The following UBXN8 variants were observed in gnomAD, a reference collection of about 807,000 sequenced individuals.
UBXN8 encodes UBX domain protein 8.
UBXN8 carries 27 observed loss-of-function variants against 32.1 expected under a neutral mutation model. The observed-to-expected ratio is 0.84, with a 90% CI of 0.62 to 1.16. The LOEUF is 1.16. Ranked by LOEUF, UBXN8 falls within the 50% of genes most tolerant of loss-of-function variation. The pLI, the probability that UBXN8 is intolerant of heterozygous loss-of-function variation, is 0.00. For missense variants in UBXN8, 306 were observed against 311.4 expected, an observed-to-expected ratio of 0.98 and a Z score of 0.13; for synonymous variants, 109 against 111.8, an observed-to-expected ratio of 0.98 and a Z score of 0.16.
At chr8:30,739,408 G>A (rs1805147205), upstream of UBXN8, among the ~76,000 whole-genome samples, 2 of 152,028 alleles carry the variant, frequency 1.3e-5, no homozygotes, top group African/African-American at 2.4e-5. Context: ...GCCGGGCGTG[G>A]TGGCGGGCGC....
chr8:30,729,602 G>C (rs1728299248), upstream of UBXN8, among the ~76,000 whole-genome samples: 1 of 152,130 alleles, frequency 6.6e-6, no homozygotes, highest in South Asian at 2.1e-4. Context: ...TTTGGTGTGA[G>C]CTTGGTGTTT....
At chr8:30,751,306 G>A (rs993228555) in intron 1 of UBXN8, 90 bp from the exon 2 acceptor site, 1 of 1,102,898 alleles carries the variant, frequency 9.1e-7, no homozygotes, top group Non-Finnish European at 1.3e-6. Context: ...GTGAGCTCAG[G>A]AGTTCGAGAC....
Position 30,753,092 on chromosome 8 carries a change from C to A in UBXN8, c.269C>A (p.Ala90Glu). The A allele has an allele frequency of 6.6e-7, 1 of 1,523,896 alleles. No individual in the cohort carries two copies. Among genetic ancestry groups the A allele is most frequent in the African/African-American group, 1.4e-5 (1 of 71,766 alleles). 94.4% of individuals were successfully genotyped at this position (1,523,896 alleles called of 1,614,324 possible). The stretch of plus-strand genomic sequence containing the variant: ...CTTGTGAGAAAAAAACAACAAGAAG[C>A]ACAAGGAGAGAAGGTAAGGCAGAAT... ...QKLVRKKQQE[A>E]QGEKASRYIE... Residue 90 changes from alanine to glutamate, a missense_variant, in exon 3 of 8, where the codon GCA becomes GAA. Transcript: ENST00000265616.
At chr8:30,739,536 CCT>C (rs1338784000), upstream of UBXN8, among the ~76,000 whole-genome samples, 1 of 151,872 alleles carries the variant, frequency 6.6e-6, no homozygotes, top group African/African-American at 2.4e-5. Context: ...AGAGCGAGAC[CCT>C]GTCTCAAAAA....
chr8:30,751,179 A>G (rs1279057845), intron 1 of UBXN8, among the ~76,000 whole-genome samples: 1 of 152,202 alleles, frequency 6.6e-6, no homozygotes, highest in Admixed American at 6.6e-5. Flanking sequence ...TTCCAGTACA[A>G]ATAATCTTCT....
At chr8:30,744,509 A>G in intron 1 of UBXN8, 1 of 559,508 alleles carries the variant, frequency 1.8e-6, no homozygotes, top group Non-Finnish European at 3.2e-6. Context: ...GCACAGGGGC[A>G]ATCATAGACA....
At chr8:30,760,431 ATATATATATATATT>A (rs1375016221) in intron 5 of UBXN8, among the ~76,000 whole-genome samples, 1 of 37,958 alleles carries the variant, frequency 2.6e-5, no homozygotes, top group Non-Finnish European at 5.2e-5. Context: ...ATATATATAT[ATATATATATATATT>A]TTTTTTTTTT....
upstream of UBXN8, among the ~76,000 whole-genome samples, chr8:30,739,361 G>A (rs1370167521): frequency 1.3e-5 from 2 of 150,818 alleles, no homozygotes; most frequent in Non-Finnish European, 1.5e-5. Flanking sequence ...TGGCTAACAC[G>A]GTGAAACCCC....
chr8:30,750,871 G>C (rs1805503767), intron 1 of UBXN8, among the ~76,000 whole-genome samples: 1 of 151,886 alleles, frequency 6.6e-6, no homozygotes, highest in Admixed American at 6.6e-5. Context: ...ATGTTTGTCT[G>C]TCTGTCCCGA....
intron 4 of UBXN8, 64 bp downstream of exon 4, chr8:30,754,851 T>C: frequency 1.3e-6 from 2 of 1,512,176 alleles, no homozygotes; most frequent in East Asian, 2.6e-5. Context: ...ACATGATTGA[T>C]TTTTAATTGA....
intron 5 of UBXN8, among the ~76,000 whole-genome samples, chr8:30,758,825 A>C (rs188865371): frequency 3.3e-5 from 5 of 150,472 alleles, no homozygotes; most frequent in African/African-American, 4.9e-5. Flanking sequence ...AATATACTCT[A>C]TGGTATTAAT....
At chr8:30,733,442 A>G (rs1805011588) in intron 1 of UBXN8, 1 of 152,222 alleles carries the variant, frequency 6.6e-6, no homozygotes, top group South Asian at 2.1e-4. Flanking sequence ...AAATCTTGCA[A>G]TTATTAGAAG....
chr8:30,753,074 G>GA lies in UBXN8; in HGVS notation c.258dup (p.Gln87ThrfsTer38), dbSNP rs761166616. ...AATGAGAAAAGACAAAAACTTGTGA[G>GA]AAAAAAACAACAAGAAGCACAAGGA... On this transcript the variant is annotated frameshift_variant, in exon 3 of 8. Coordinates refer to ENST00000265616, the MANE Select transcript of UBXN8 (RefSeq NM_005671.4). LOFTEE classifies it high-confidence loss of function. 3.9e-6 allele frequency: 6 copies of GA among 1,524,722 alleles called. No individual in the cohort carries two copies. Among genetic ancestry groups the GA allele is most frequent in the East Asian group, 2.5e-5 (1 of 40,134 alleles). The allele number at this position is 1,524,722 out of a possible 1,614,324, so 94.4% of individuals were successfully genotyped here. A position where few individuals can be genotyped will look rare whatever the true frequency, so the allele number is the denominator to read the frequency against.
At chr8:30,745,748 T>C (rs1034181625) in intron 1 of UBXN8, among the ~76,000 whole-genome samples, 10 of 152,162 alleles carry the variant, frequency 6.6e-5, no homozygotes, top group Non-Finnish European at 1.5e-4. Context: ...ACCCCTACTC[T>C]GCTCATTTAT....
At chr8:30,744,747 A>G (rs968250025) in intron 1 of UBXN8, among the ~76,000 whole-genome samples, 3 of 152,294 alleles carry the variant, frequency 2.0e-5, no homozygotes, top group Non-Finnish European at 2.9e-5. Context: ...CTAGGTTTAA[A>G]TAAGGGGCCA....
At chr8:30,749,583 A>T (rs746292985) in intron 1 of UBXN8, among the ~76,000 whole-genome samples, 13 of 147,426 alleles carry the variant, frequency 8.8e-5, no homozygotes, top group Non-Finnish European at 1.8e-4. Context: ...TAGAACTAGA[A>T]TTTGACACGA....
At chr8:30,758,903 T>TTTTGTTTTG (rs1805748172) in intron 5 of UBXN8, among the ~76,000 whole-genome samples, 1 of 143,410 alleles carries the variant, frequency 7.0e-6, no homozygotes, top group African/African-American at 2.6e-5. Context: ...TGTTTTTTTT[T>TTTTGTTTTG]TTTTTTTTGA....
At chr8:30,757,822 T>G (rs1348540552) in intron 5 of UBXN8, among the ~76,000 whole-genome samples, 20 of 145,014 alleles carry the variant, frequency 1.4e-4, no homozygotes, top group Non-Finnish European at 2.8e-4. Context: ...ATTGCGCCAC[T>G]GCACTCCAGC....
Position 30,766,265 on chromosome 8 carries a change from A to C in UBXN8, c.684A>C (p.Ile228=). ...FDWMTRIGYH[I]SLYSLSTSFP... ...GGATGACGAGAATTGGGTACCACAT[A>C]TCTCTATACAGCCTTTCTACTTCCT... The change falls in exon 8 of 8, where the codon ATA becomes ATC. Residue 228 remains isoleucine (I), a synonymous_variant. Transcript: ENST00000265616. The C allele has an allele frequency of 6.2e-7, 1 of 1,613,674 alleles. No individual in the cohort carries two copies. The highest frequency in any genetic ancestry group is 8.5e-7 in the Non-Finnish European group (1 of 1,179,716).
Sources: allele counts gnomAD v4.1 joint callset (sites outside exome capture counted in the v4.1 genomes callset), GRCh38; gene constraint gnomAD v4.1.1; transcripts MANE v1.5; gene names NCBI Gene and HGNC (gene_info 2026-07-23, HGNC 2026-07-21).